Variants in DNAJC7 observed in about 807,000 individuals in gnomAD.
DNAJC7 encodes DnaJ heat shock protein family (Hsp40) member C7, also known as dnaJ homolog subfamily C member 7.
In DNAJC7, 18 loss-of-function variants were observed where a neutral mutation model predicts 67.4. That is an observed-to-expected ratio of 0.27 (90% CI 0.18 to 0.40). DNAJC7 has a LOEUF of 0.40. DNAJC7 is among the 10% of genes least tolerant of loss of function. The probability of loss-of-function intolerance (pLI) is 1.00; values close to 1 mark genes in which losing one functional copy is unlikely to be tolerated. For missense variants in DNAJC7, 419 were observed against 613.8 expected (o/e 0.68, Z 3.35); for synonymous variants, 220 against 207.8 (o/e 1.06, Z -0.50).
chr17:41,993,242 A>G (rs532574528), intron 5 of DNAJC7, among the ~76,000 whole-genome samples: 17 of 151,282 alleles, frequency 1.1e-4, no homozygotes, highest in Non-Finnish European at 1.3e-4. Flanking sequence ...GGAGGATCAC[A>G]AGGTCAGGAG....
chr17:41,997,147 G>GT lies in DNAJC7; in HGVS notation c.258dup (p.Gln87ThrfsTer7). ...AAACTGTCATCCAACCTCACTGACT[G>GT]TTGTGCATCTCCAAGAGCTTCCCGG... On this transcript the variant is annotated frameshift_variant, in exon 3 of 14. Coordinates refer to ENST00000457167, the MANE Select transcript of DNAJC7 (RefSeq NM_003315.4). LOFTEE classifies it high-confidence loss of function. 6.2e-7 allele frequency: 1 copy of GT among 1,614,016 alleles called. No individual in the cohort carries two copies.
At chr17:41,988,223 G>A (rs541272457) in intron 8 of DNAJC7, among the ~76,000 whole-genome samples, 1 of 152,260 alleles carries the variant, frequency 6.6e-6, no homozygotes, top group East Asian at 1.9e-4. Flanking sequence ...CACCTGCAGG[G>A]ATCAGAAATC....
intron 12 of DNAJC7, among the ~76,000 whole-genome samples, chr17:41,979,623 G>T (rs528687175): frequency 6.9e-5 from 9 of 130,044 alleles, no homozygotes; most frequent in Non-Finnish European, 1.4e-4. Context: ...AGTGAGCCAA[G>T]ATGGCACTAC....
At chr17:41,985,491 C>T (rs186177026) in intron 9 of DNAJC7, 1 of 151,442 alleles carries the variant, frequency 6.6e-6, no homozygotes, top group Admixed American at 6.6e-5. Flanking sequence ...ATGATTAACC[C>T]TGATGAACTT....
chr17:41,999,635 C>T lies in DNAJC7; in HGVS notation c.166+847G>A, dbSNP rs145014393. Among the ~76,000 whole-genome samples, 377 of 152,248 alleles carry T rather than the reference C, an allele frequency of 2.5e-3. 3 individuals carry two copies. The highest frequency in any genetic ancestry group is 8.8e-3 in the African/African-American group (364 of 41,546). ...TCCTGGGTTCAAGCGATTCTCCTGC[C>T]TCAGCCTCCCTAGTAGCTGGGATTA... On this transcript the variant is annotated intron_variant, in intron 2 of 13. Transcript: ENST00000457167.
intron 12 of DNAJC7, among the ~76,000 whole-genome samples, chr17:41,980,631 C>T (rs1437246538): frequency 6.6e-6 from 1 of 152,010 alleles, no homozygotes; most frequent in Non-Finnish European, 1.5e-5. Flanking sequence ...CTCCTGAGCT[C>T]AGGTGATCTG....
At position 41,977,258 on chromosome 17, in the gene DNAJC7, T is replaced by C. The variant is rs782264070; in HGVS notation, c.1447+3A>G. 4.4e-6 allele frequency: 7 copies of C among 1,578,782 alleles called. No homozygotes were observed. Among genetic ancestry groups the C allele is most frequent in the Admixed American group, 1.8e-5 (1 of 54,362 alleles). ...AACTCCCAAGAACAGCAGGCCCACC[T>C]ACCTTCAAAGCTGAAGCCGCCAGGA... On this transcript the variant is annotated splice_donor_region_variant and intron_variant, in intron 13 of 13. Coordinates refer to ENST00000457167, the MANE Select transcript of DNAJC7 (RefSeq NM_003315.4).
intron 9 of DNAJC7, chr17:41,985,534 C>G (rs2051353429): frequency 6.6e-6 from 1 of 151,950 alleles, no homozygotes; most frequent in African/African-American, 2.4e-5. Context: ...ATTAAACAAA[C>G]TATACTAATT....
In DNAJC7 at chr17:41,988,837, A is replaced by T; in HGVS notation, c.813T>A (p.Asn271Lys). 1 of 1,613,786 alleles carries T rather than the reference A, an allele frequency of 6.2e-7. No homozygotes were observed. Among genetic ancestry groups the T allele is most frequent in the Non-Finnish European group, 8.5e-7 (1 of 1,179,822 alleles). ...EDGNKAFKEGNYKLAYELYTE... is the reference protein window; with the variant it reads ...EDGNKAFKEGKYKLAYELYTE... ...TGTACAGTTCATATGCTAGTTTGTA[A>T]TTTCCTTCCTTAAATGCTTTATTCC... is the stretch of plus-strand genomic sequence containing the variant. The change falls in exon 8 of 14, where the codon AAT (asparagine) becomes AAA (lysine). Residue 271 changes from asparagine (N) to lysine (K), a missense_variant. By Grantham distance (94) the Asn-to-Lys change is moderately conservative. Transcript: ENST00000457167.
At chr17:42,002,125 C>G (rs1374171473) in intron 1 of DNAJC7, among the ~76,000 whole-genome samples, 2 of 152,204 alleles carry the variant, frequency 1.3e-5, no homozygotes, top group Non-Finnish European at 2.9e-5. Flanking sequence ...TATAAAAACT[C>G]TCAGGAGCCT....
rs185922032 is a variant in DNAJC7, at chr17:42,003,895, A to G, written c.78-3325T>C. On this transcript the variant is annotated intron_variant, in intron 1 of 13. Coordinates refer to ENST00000457167, the MANE Select transcript of DNAJC7 (RefSeq NM_003315.4). ...ACCTGATGGTACTATTAACAACTAC[A>G]ATATATTTCTAGTGTTATTTCAGAT... is the stretch of plus-strand genomic sequence containing the variant. 1.7e-4 allele frequency among the ~76,000 whole-genome samples: 26 copies of G among 151,482 alleles called. No homozygotes were observed. The East Asian group carries it at 3.5e-3, about 20-fold the overall frequency.
chr17:41,991,775 AC>A (rs1388561156), intron 5 of DNAJC7, among the ~76,000 whole-genome samples: 28 of 151,812 alleles, frequency 1.8e-4, no homozygotes, highest in Admixed American at 1.8e-3. Flanking sequence ...GACTTCCCAG[AC>A]TCCAGTGATT....
intron 5 of DNAJC7, among the ~76,000 whole-genome samples, chr17:41,990,942 C>T (rs531149758): frequency 1.3e-5 from 2 of 152,102 alleles, no homozygotes; most frequent in East Asian, 1.9e-4. Context: ...GGATTACAGG[C>T]GTGAGCCACC....
intron 5 of DNAJC7, among the ~76,000 whole-genome samples, chr17:41,990,595 C>T (rs2051488905): frequency 6.6e-6 from 1 of 151,990 alleles, no homozygotes; most frequent in Admixed American, 6.6e-5. Context: ...GGACAGTAAA[C>T]ATTTACTGGG....
chr17:41,988,701 A>G (rs371178553), intron 8 of DNAJC7, 31 bp downstream of exon 8: 6 of 1,556,428 alleles, frequency 3.9e-6, no homozygotes, highest in Non-Finnish European at 1.7e-6. Context: ...AAATATTTCT[A>G]TAGGCCCCAA....
chr17:41,993,210 A>C (rs897676431), intron 5 of DNAJC7, among the ~76,000 whole-genome samples: 21 of 152,254 alleles, frequency 1.4e-4, no homozygotes, highest in African/African-American at 5.1e-4. Context: ...CTGTAATCCC[A>C]GCACTTTGGG....
chr17:41,977,371 T>C (rs782412084), intron 12 of DNAJC7, 48 bp from the exon 13 acceptor site: 28 of 1,510,516 alleles, frequency 1.9e-5, no homozygotes, highest in Non-Finnish European at 2.2e-5. Context: ...GGTGAAAAAT[T>C]AGAAATGTTC....
chr17:41,987,794 C>A (rs782136194), intron 9 of DNAJC7, 25 bp downstream of exon 9: 7 of 1,579,620 alleles, frequency 4.4e-6, no homozygotes, highest in African/African-American at 1.3e-5. Flanking sequence ...ACTCCCTCTT[C>A]CCCCTACCCA....
rs1555646094 is a variant in DNAJC7 at position 41,982,245 on chromosome 17, C to CCTACT, written c.1231+5_1231+9dup. 1 of 1,613,806 alleles carries CCTACT rather than the reference C, an allele frequency of 6.2e-7. No homozygotes were observed. Among genetic ancestry groups the CCTACT allele is most frequent in the African/African-American group, 1.3e-5 (1 of 74,940 alleles). ...CTTCCCACTGAGCCCACTCCCCGCA[C>CCTACT]CTACTCTACCTGGATGGTGCATCAA... On this transcript the variant is annotated intron_variant, in intron 11 of 13. Transcript: ENST00000457167.
Sources: gnomAD v4.1 joint callset for allele counts (sites outside exome capture counted in the v4.1 genomes callset) on GRCh38, gnomAD v4.1.1 for gene constraint, MANE v1.5 for transcripts, NCBI Gene and HGNC (gene_info 2026-07-23, HGNC 2026-07-21) for gene names.